The following CHID1 variants were observed in gnomAD, a reference collection of about 807,000 sequenced individuals.
CHID1 encodes chitinase domain containing 1.
In CHID1, 44 loss-of-function variants were observed where a neutral mutation model predicts 55.4. That is an observed-to-expected ratio of 0.79 (90% confidence interval 0.62 to 1.02). CHID1 has a LOEUF of 1.02. Among genes scored for constraint, CHID1 ranks in the 50% least tolerant of loss-of-function variants. The pLI, the probability that CHID1 is intolerant of heterozygous loss-of-function variation, is 0.00. For missense variants in CHID1, 491 were observed against 515.3 expected, an observed-to-expected ratio of 0.95 and a Z score of 0.46; for synonymous variants, 216 against 212.9, an observed-to-expected ratio of 1.01 and a Z score of -0.13.
At chr11:896,307 G>A (rs866030666) in intron 7 of CHID1, among the ~76,000 whole-genome samples, 2 of 129,066 alleles carry the variant, frequency 1.5e-5, no homozygotes, top group South Asian at 5.0e-4. Context: ...CAACGAGGCT[G>A]TCTCAGTGCC....
Position 889,624 on chromosome 11 carries a change from C to A in CHID1, c.701+3803G>T, listed in dbSNP as rs538798108. 3.9e-5 allele frequency among the ~76,000 whole-genome samples: 6 copies of A among 152,274 alleles called. No individual in the cohort carries two copies. In the South Asian group the frequency reaches 1.2e-3, roughly 32 times the overall value. The stretch of plus-strand genomic sequence containing the variant: ...AATGTGAGGAAGGCGTGGGCTTGGC[C>A]TATGGTCCCTAGTCCCTGCCAGCCA... On this transcript the variant is annotated intron_variant, in intron 8 of 12. Transcript: ENST00000323578.
intron 8 of CHID1, among the ~76,000 whole-genome samples, chr11:885,825 C>T (rs1041585035): frequency 1.5e-4 from 23 of 152,294 alleles, no homozygotes; most frequent in African/African-American, 5.5e-4. Flanking sequence ...CTTCTGGGCT[C>T]AAGCAATCCT....
chr11:874,379 C>T (rs1180549077), intron 10 of CHID1, among the ~76,000 whole-genome samples: 1 of 152,160 alleles, frequency 6.6e-6, no homozygotes, highest in Non-Finnish European at 1.5e-5. Context: ...AGGAGAATCA[C>T]TTGAACCTGG....
intron 10 of CHID1, among the ~76,000 whole-genome samples, chr11:872,243 C>T (rs910746193): frequency 2.6e-5 from 4 of 152,300 alleles, no homozygotes; most frequent in South Asian, 2.1e-4. Context: ...CTGTAACCTC[C>T]GCCTCCTGGG....
intron 1 of CHID1, among the ~76,000 whole-genome samples, chr11:910,399 G>C (rs1852574468): frequency 6.6e-6 from 1 of 152,010 alleles, no homozygotes; most frequent in Non-Finnish European, 1.5e-5. Flanking sequence ...CTCCTCACCC[G>C]CCGGCCACAT....
intron 8 of CHID1, among the ~76,000 whole-genome samples, chr11:890,420 C>T (rs889946991): frequency 2.0e-5 from 3 of 152,268 alleles, no homozygotes; most frequent in Admixed American, 2.0e-4. Context: ...ATGGCCGGCC[C>T]TGAACCACGG....
At chr11:880,060 C>T (rs531189077) in intron 10 of CHID1, among the ~76,000 whole-genome samples, 4 of 152,332 alleles carry the variant, frequency 2.6e-5, no homozygotes, top group African/African-American at 9.6e-5. Flanking sequence ...ACAGGGCGGC[C>T]GGGCCCCTCA....
Position 869,776 on chromosome 11 carries a change from G to C in CHID1, c.*82C>G. On this transcript the variant is annotated 3_prime_UTR_variant, in exon 13 of 13. Transcript: ENST00000323578. Reference sequence around the variant, plus strand: ...CAGCAGACCCGTCACAGCAAACGGAGTGGAGGCCTGTATTTCACACCTGCT... The same window carrying C: ...CAGCAGACCCGTCACAGCAAACGGACTGGAGGCCTGTATTTCACACCTGCT... 8.0e-7 allele frequency: 1 copy of C among 1,250,098 alleles called. No individual in the cohort carries two copies. Among genetic ancestry groups the C allele is most frequent in the Non-Finnish European group, 1.2e-6 (1 of 852,610 alleles). 77.4% of individuals were successfully genotyped at this position (1,250,098 alleles called of 1,614,324 possible). A position where few individuals can be genotyped will look rare whatever the true frequency, so the allele number is the denominator to read the frequency against.
At chr11:895,786 G>C (rs1851227112) in intron 7 of CHID1, among the ~76,000 whole-genome samples, 1 of 152,112 alleles carries the variant, frequency 6.6e-6, no homozygotes, top group Non-Finnish European at 1.5e-5. Flanking sequence ...GGACTGTGCT[G>C]AGGCAGCTCC....
chr11:873,773 G>A (rs1849325783), intron 10 of CHID1, among the ~76,000 whole-genome samples: 1 of 152,146 alleles, frequency 6.6e-6, no homozygotes, highest in South Asian at 2.1e-4. Flanking sequence ...CAGTAATGCG[G>A]GCTGTACAAT....
intron 7 of CHID1, among the ~76,000 whole-genome samples, chr11:895,288 T>C (rs573325079): frequency 2.8e-4 from 42 of 152,220 alleles, no homozygotes; most frequent in African/African-American, 1.0e-3. Flanking sequence ...ACACCAGACC[T>C]GAGGGCCAAA....
At chr11:885,788 A>C (rs1341347525) in intron 8 of CHID1, among the ~76,000 whole-genome samples, 1 of 152,066 alleles carries the variant, frequency 6.6e-6, no homozygotes, top group Non-Finnish European at 1.5e-5. Flanking sequence ...GTGCAGCGGC[A>C]CGATCCTATC....
chr11:870,312 G>A, intron 11 of CHID1, 107 bp downstream of exon 11: 1 of 1,348,344 alleles, frequency 7.4e-7, no homozygotes, highest in Non-Finnish European at 1.0e-6. Context: ...CAGCAAGTGA[G>A]CTCGTGACCC....
chr11:882,127 C>CT (rs766257190), intron 10 of CHID1, among the ~76,000 whole-genome samples: 1 of 152,102 alleles, frequency 6.6e-6, no homozygotes, highest in African/African-American at 2.4e-5. Context: ...GAGATCGAGA[C>CT]CATCCTGGCT....
At chr11:914,379 C>T (rs1028878121), upstream of CHID1, 3 of 487,092 alleles carry the variant, frequency 6.2e-6, no homozygotes, top group African/African-American at 6.0e-5. Flanking sequence ...GCCCTGAGGC[C>T]CTCCTGCTTG....
At chr11:874,202 C>T (rs1430458703) in intron 10 of CHID1, among the ~76,000 whole-genome samples, 7 of 152,212 alleles carry the variant, frequency 4.6e-5, no homozygotes, top group African/African-American at 1.7e-4. Context: ...TGGCTCACGC[C>T]TGTAATCCCA....
chr11:873,969 C>T (rs896041444), intron 10 of CHID1, among the ~76,000 whole-genome samples: 2 of 151,470 alleles, frequency 1.3e-5, no homozygotes, highest in African/African-American at 2.4e-5. Flanking sequence ...AGAGGTTCGA[C>T]GCGTTTCTAG....
rs1020561681 is a variant in CHID1 at position 875,085 on chromosome 11, C to T, written c.960-4586G>A. ...GGAGGAGGGGCTTGCAGGCTCGGGC[C>T]AGGGCTGCTGTGAGCAATGGTGAGG... is the stretch of plus-strand genomic sequence containing the variant. On this transcript the variant is annotated intron_variant, in intron 10 of 12. Coordinates refer to ENST00000323578, the MANE Select transcript of CHID1 (RefSeq NM_023947.4). This position sits in a 1 kb window ranked among gnomAD's most constrained non-coding sequence, Gnocchi z 4.7. Among the ~76,000 whole-genome samples the T allele has an allele frequency of 6.6e-6, 1 of 152,222 alleles. No homozygotes were observed. Among genetic ancestry groups the T allele is most frequent in the African/African-American group, 2.4e-5 (1 of 41,464 alleles).
intron 5 of CHID1, among the ~76,000 whole-genome samples, chr11:900,554 C>A (rs557323859): frequency 6.6e-6 from 1 of 152,188 alleles, no homozygotes; most frequent in Admixed American, 6.5e-5. Context: ...CTTCCCCAGC[C>A]GTGAGCTACA....
Sources: gnomAD v4.1 joint callset for allele counts (sites outside exome capture counted in the v4.1 genomes callset) on GRCh38, gnomAD v4.1.1 for gene constraint, Gnocchi (gnomAD v3.1) non-coding constraint, MANE v1.5 for transcripts, NCBI Gene and HGNC (gene_info 2026-07-23, HGNC 2026-07-21) for gene names.